ZNF804B: variants seen among roughly 807,000 people sequenced by gnomAD.
The protein encoded by ZNF804B is zinc finger protein 804B.
Under a neutral mutation model 101.4 loss-of-function variants are expected in ZNF804B, and 80 were observed. The ratio of observed to expected loss-of-function variants is 0.79; its 90% CI spans 0.66 to 0.95. The LOEUF (loss-of-function observed/expected upper bound fraction) is 0.95. Ranked by LOEUF, ZNF804B falls within the 40% of genes least tolerant of loss-of-function variation. The pLI, the probability that ZNF804B is intolerant of heterozygous loss-of-function variation, is 0.00. For missense variants in ZNF804B, 1,673 were observed against 1,561.9 expected, an observed-to-expected ratio of 1.07 and a Z score of -1.20; for synonymous variants, 622 against 558.8, an observed-to-expected ratio of 1.11 and a Z score of -1.59.
intron 1 of ZNF804B, among the ~76,000 whole-genome samples, chr7:89,176,579 C>CTTTTTTTTTTTTTTTTTTTTTTTTTT (rs1562906106): frequency 1.6e-5 from 1 of 62,684 alleles, no homozygotes; most frequent in African/African-American, 7.4e-5. Flanking sequence ...TTTTTTCTTT[C>CTTTTTTTTTTTTTTTTTTTTTTTTTT]TTTCTTTCTT....
chr7:88,951,462 G>A (rs933628722), intron 1 of ZNF804B, among the ~76,000 whole-genome samples: 9 of 151,656 alleles, frequency 5.9e-5, no homozygotes, highest in East Asian at 3.9e-4. Flanking sequence ...ACACATGCGC[G>A]TGCGCACGCG....
chr7:89,237,222 A>G (rs1402847659), intron 2 of ZNF804B, among the ~76,000 whole-genome samples: 1 of 152,184 alleles, frequency 6.6e-6, no homozygotes, highest in Non-Finnish European at 1.5e-5. Context: ...TTTTCAAAAT[A>G]TGTGTATATA....
At chr7:89,254,656 T>A (rs938533024) in intron 2 of ZNF804B, among the ~76,000 whole-genome samples, 9 of 151,248 alleles carry the variant, frequency 6.0e-5, no homozygotes, top group Non-Finnish European at 1.3e-4. Context: ...TTATTATTTT[T>A]TTTTTTTGAG....
intron 1 of ZNF804B, among the ~76,000 whole-genome samples, chr7:89,210,527 T>G (rs1040063631): frequency 6.6e-6 from 1 of 152,118 alleles, no homozygotes; most frequent in Non-Finnish European, 1.5e-5. Flanking sequence ...CCCCAGTATG[T>G]GTTGCTCTCC....
chr7:89,250,253 A>G (rs1789518188), intron 2 of ZNF804B, among the ~76,000 whole-genome samples: 1 of 152,046 alleles, frequency 6.6e-6, no homozygotes, highest in African/African-American at 2.4e-5. Context: ...GACAAACGTG[A>G]TGTTACAATT....
chr7:89,020,488 A>G (rs1788649840), intron 1 of ZNF804B, among the ~76,000 whole-genome samples: 1 of 151,942 alleles, frequency 6.6e-6, no homozygotes, highest in Non-Finnish European at 1.5e-5. Flanking sequence ...TGTTTTTAGA[A>G]TTATTTGTTT....
At chr7:89,079,312 T>C (rs1789660391) in intron 1 of ZNF804B, among the ~76,000 whole-genome samples, 1 of 152,090 alleles carries the variant, frequency 6.6e-6, no homozygotes, top group African/African-American at 2.4e-5. Context: ...AAATGTTTTT[T>C]ATTTTGACAT....
At chr7:88,842,791 A>G (rs779711856) in intron 1 of ZNF804B, among the ~76,000 whole-genome samples, 4 of 152,176 alleles carry the variant, frequency 2.6e-5, no homozygotes, top group Non-Finnish European at 4.4e-5. Context: ...ACCTGACCCA[A>G]GCTTGTTAAA....
chr7:89,160,775 GA>G (rs1318139273), intron 1 of ZNF804B, among the ~76,000 whole-genome samples: 1 of 151,998 alleles, frequency 6.6e-6, no homozygotes, highest in Admixed American at 6.6e-5. Context: ...TCTGGCTTCT[GA>G]ACTAAATCCC....
chr7:89,070,755 T>C (rs1789523641), intron 1 of ZNF804B, among the ~76,000 whole-genome samples: 1 of 152,164 alleles, frequency 6.6e-6, no homozygotes, highest in African/African-American at 2.4e-5. Flanking sequence ...TTTGACCTTA[T>C]AAATTGATTT....
intron 2 of ZNF804B, among the ~76,000 whole-genome samples, chr7:89,298,127 A>ATATATATATATATATCATATATATAG (rs1790411857): frequency 6.4e-4 from 1 of 1,554 alleles, no homozygotes; most frequent in African/African-American, 5.0e-3. Flanking sequence ...TTTCATATAA[A>ATATATATATATATATCATATATATAG]TATATATATA....
chr7:88,873,213 A>T (rs1791867092), intron 1 of ZNF804B, among the ~76,000 whole-genome samples: 1 of 152,160 alleles, frequency 6.6e-6, no homozygotes, highest in Non-Finnish European at 1.5e-5. Context: ...CATTTCTCTG[A>T]TGGCCATTGA....
chr7:89,284,383 T>TC, intron 2 of ZNF804B, among the ~76,000 whole-genome samples: 1 of 152,340 alleles, frequency 6.6e-6, no homozygotes, highest in East Asian at 1.9e-4. Flanking sequence ...CCATATGAAG[T>TC]AGCACTAGTG....
At chr7:89,308,444 G>T (rs1019512237) in intron 2 of ZNF804B, among the ~76,000 whole-genome samples, 2 of 152,170 alleles carry the variant, frequency 1.3e-5, no homozygotes, top group East Asian at 3.8e-4. Context: ...TAAAGGCTAA[G>T]TCAACATCCT....
chr7:89,249,849 T>C (rs1789512431), intron 2 of ZNF804B, among the ~76,000 whole-genome samples: 1 of 151,808 alleles, frequency 6.6e-6, no homozygotes, highest in African/African-American at 2.4e-5. Flanking sequence ...AAACCAAAAG[T>C]TGGGTCTCTG....
chr7:88,912,895 T>C (rs1792570349), intron 1 of ZNF804B, among the ~76,000 whole-genome samples: 1 of 152,170 alleles, frequency 6.6e-6, no homozygotes, highest in African/African-American at 2.4e-5. Context: ...AAAATTCTAA[T>C]AGGAGTGTTA....
chr7:88,975,457 T>C (rs1793603310), intron 1 of ZNF804B, among the ~76,000 whole-genome samples: 1 of 151,150 alleles, frequency 6.6e-6, no homozygotes, highest in South Asian at 2.1e-4. Context: ...GCTTGTCTTT[T>C]AGGAAAAAAA....
At chr7:89,275,272 A>G (rs1056174427) in intron 2 of ZNF804B, among the ~76,000 whole-genome samples, 1 of 151,900 alleles carries the variant, frequency 6.6e-6, no homozygotes, top group Admixed American at 6.6e-5. Flanking sequence ...AAATTTAGCA[A>G]TTTCCAATCA....
chr7:88,933,939 A>T (rs114574731), intron 1 of ZNF804B, among the ~76,000 whole-genome samples: 25,629 of 151,404 alleles, frequency 0.17, 2,480 homozygotes, highest in South Asian at 0.24. Context: ...ACCAAAAAAA[A>T]AAAAAAAGCC....
Sources: gnomAD v4.1 joint callset for allele counts (sites outside exome capture counted in the v4.1 genomes callset) on GRCh38, gnomAD v4.1.1 for gene constraint, MANE v1.5 for transcripts, NCBI Gene and HGNC (gene_info 2026-07-23, HGNC 2026-07-21) for gene names.